Variants in GDE1 observed in about 807,000 individuals in gnomAD.
The protein encoded by GDE1 is glycerophosphodiester phosphodiesterase 1.
A neutral mutation model predicts 32.2 loss-of-function variants in GDE1; 24 were observed. The observed-to-expected ratio is 0.75, with a 90% CI of 0.54 to 1.05. The LOEUF is 1.05. Ranked by LOEUF, GDE1 falls within the 50% of genes least tolerant of loss-of-function variation. The pLI, the probability that GDE1 is intolerant of heterozygous loss-of-function variation, is 0.00. For missense variants in GDE1, 380 were observed against 415.0 expected (o/e 0.92, Z 0.73); for synonymous variants, 159 against 158.6 (o/e 1.00, Z -0.02).
intron 1 of GDE1, among the ~76,000 whole-genome samples, chr16:19,519,967 G>GC (rs1257625244): frequency 2.6e-5 from 4 of 152,064 alleles, no homozygotes; most frequent in Non-Finnish European, 5.9e-5. Flanking sequence ...AGTTGAGATC[G>GC]CCCCACTGCA....
chr16:19,507,798 C>A lies in GDE1; in HGVS notation c.544-19G>T, dbSNP rs745757652. On this transcript the variant is annotated intron_variant, in intron 3 of 5. Transcript: ENST00000353258. Reference sequence around the variant, plus strand: ...CAGTAGCCTGTAAAATAAAGAGATTCATATATTTAAAATTGATTAAAATGT... The same window carrying A: ...CAGTAGCCTGTAAAATAAAGAGATTAATATATTTAAAATTGATTAAAATGT... 4.4e-6 allele frequency: 5 copies of A among 1,147,980 alleles called. No individual in the cohort carries two copies. Among genetic ancestry groups the A allele is most frequent in the Admixed American group, 3.7e-5 (2 of 54,008 alleles). The allele number at this position is 1,147,980 out of a possible 1,614,324, so 71.1% of individuals were successfully genotyped here. A position where few individuals can be genotyped will look rare whatever the true frequency, so the allele number is the denominator to read the frequency against.
chr16:19,517,515 C>T (rs1405016455), intron 1 of GDE1, among the ~76,000 whole-genome samples: 2 of 152,208 alleles, frequency 1.3e-5, no homozygotes, highest in African/African-American at 2.4e-5. Flanking sequence ...AATACTTAGA[C>T]AATTCCACTG....
At chr16:19,519,178 T>C (rs192422984) in intron 1 of GDE1, among the ~76,000 whole-genome samples, 2 of 152,150 alleles carry the variant, frequency 1.3e-5, no homozygotes, top group Non-Finnish European at 2.9e-5. Context: ...TTAATTCCTC[T>C]TAGGTTTTTA....
chr16:19,521,860 G>A lies in GDE1; in HGVS notation c.105C>T (p.Thr35=), dbSNP rs1372373510. 1.2e-6 allele frequency: 2 copies of A among 1,607,540 alleles called. No homozygotes were observed. Among genetic ancestry groups the A allele is most frequent in the Non-Finnish European group, 1.7e-6 (2 of 1,177,830 alleles). Residue 35 remains threonine, a synonymous_variant, in exon 1 of 6, where the codon ACC becomes ACT. Coordinates refer to ENST00000353258, the MANE Select transcript of GDE1 (RefSeq NM_016641.4). ...CGCGCAGTAGAACGAAGAGGCTGCC[G>A]GTGAGGAGGCAGGCATTGACCGGGC... ...TRSPVNACLL[T]GSLFVLLRVF...
chr16:19,517,014 C>A lies in GDE1; in HGVS notation c.437G>T (p.Arg146Met), dbSNP rs753865044. Residue 146 changes from arginine to methionine, a missense_variant and splice_region_variant, in exon 2 of 6, where the codon AGG becomes ATG. Coordinates refer to ENST00000353258, the MANE Select transcript of GDE1 (RefSeq NM_016641.4). ...GTTTAAGTGACAATAAACTACTTAC[C>A]TGAGTCTGTGGTTTGCTGCAGGATT... ...KLNPAANHRL[R>M]NDFPDEKIPT... 6.2e-7 allele frequency: 1 copy of A among 1,613,404 alleles called. No individual in the cohort carries two copies. Among genetic ancestry groups the A allele is most frequent in the East Asian group, 2.2e-5 (1 of 44,868 alleles).
chr16:19,507,499 T>A (rs187465737), intron 4 of GDE1, among the ~76,000 whole-genome samples, 188 bp downstream of exon 4: 13 of 152,296 alleles, frequency 8.5e-5, no homozygotes, highest in African/African-American at 3.1e-4. Context: ...AGAGGAATAA[T>A]GGCATTCTGT....
chr16:19,515,112 A>G (rs1053624786), intron 2 of GDE1, among the ~76,000 whole-genome samples: 15 of 151,752 alleles, frequency 9.9e-5, no homozygotes, highest in African/African-American at 3.4e-4. Flanking sequence ...CATTACAGGC[A>G]ATTATCCCAG....
intron 2 of GDE1, among the ~76,000 whole-genome samples, chr16:19,514,799 G>C (rs1002479173): frequency 6.6e-6 from 1 of 152,136 alleles, no homozygotes; most frequent in Admixed American, 6.5e-5. Flanking sequence ...GGTACAGTGG[G>C]CTCATGCCTG....
Position 19,522,034 on chromosome 16 carries a change from C to G in GDE1, c.-70G>C. The G allele has an allele frequency of 6.8e-7, 1 of 1,461,764 alleles. No individual in the cohort carries two copies. Among genetic ancestry groups the G allele is most frequent in the East Asian group, 2.5e-5 (1 of 40,090 alleles). 90.5% of individuals were successfully genotyped at this position (1,461,764 alleles called of 1,614,324 possible). A position where few individuals can be genotyped will look rare whatever the true frequency, so the allele number is the denominator to read the frequency against. ...GCTCCTGGGGCAGTAGAACGAGAAG[C>G]GAGGGGGAGGGTCCAAGGCACCGGC... On this transcript the variant is annotated 5_prime_UTR_variant, in exon 1 of 6. Transcript: ENST00000353258.
chr16:19,510,763 T>C (rs1352052201), intron 3 of GDE1, 76 bp downstream of exon 3: 10 of 646,588 alleles, frequency 1.5e-5, no homozygotes, highest in Non-Finnish European at 2.7e-5. Flanking sequence ...TAACAAAATA[T>C]ATGTAACTTC....
intron 2 of GDE1, among the ~76,000 whole-genome samples, chr16:19,515,661 C>T (rs1428470152): frequency 6.6e-6 from 1 of 152,160 alleles, no homozygotes; most frequent in Non-Finnish European, 1.5e-5. Context: ...AACTTGGACT[C>T]ATAATTCTCA....
chr16:19,521,419 A>G (rs1969451565), intron 1 of GDE1: 3 of 456,874 alleles, frequency 6.6e-6, no homozygotes, highest in South Asian at 8.3e-5. Context: ...CCCCATTCCG[A>G]TGTACACTCT....
rs772292696 is a variant in GDE1, at chr16:19,503,281, C to G, written c.*189G>C. 3.4e-6 allele frequency: 2 copies of G among 585,232 alleles called. No homozygotes were observed. Among genetic ancestry groups the G allele is most frequent in the Non-Finnish European group, 6.0e-6 (2 of 331,876 alleles). 36.3% of individuals were successfully genotyped at this position (585,232 alleles called of 1,614,324 possible). ...TTTTCAAGAGCAACAGTGTTGAACT[C>G]TGGCATGCCATGGTGCATGGTGGCA... On this transcript the variant is annotated 3_prime_UTR_variant, in exon 6 of 6. Coordinates refer to ENST00000353258, the MANE Select transcript of GDE1 (RefSeq NM_016641.4).
intron 2 of GDE1, among the ~76,000 whole-genome samples, chr16:19,516,565 A>G (rs1763500492): frequency 6.6e-6 from 1 of 152,220 alleles, no homozygotes; most frequent in South Asian, 2.1e-4. Flanking sequence ...GCAAAGTGCT[A>G]TTCTAGATGA....
At chr16:19,515,150 G>C (rs1336440498) in intron 2 of GDE1, among the ~76,000 whole-genome samples, 1 of 151,594 alleles carries the variant, frequency 6.6e-6, no homozygotes, top group Admixed American at 6.6e-5. Flanking sequence ...TATTCCCTGA[G>C]AGTGAAAGAT....
chr16:19,517,308 C>A, intron 1 of GDE1, 119 bp from the exon 2 acceptor site: 1 of 723,036 alleles, frequency 1.4e-6, no homozygotes, highest in Non-Finnish European at 2.4e-6. Context: ...CATTTTCCTT[C>A]CACTTCCCCC....
At position 19,505,076 on chromosome 16, in the gene GDE1, C is replaced by T. The variant is rs2072086; in HGVS notation, c.653G>A (p.Arg218Gln). 1,518 of 1,609,858 alleles carry T rather than the reference C, an allele frequency of 9.4e-4. 35 individuals are homozygous for T. In the East Asian group the frequency reaches 0.033, roughly 35 times the overall value. Residue 218 changes from arginine to glutamine, a missense_variant, in exon 5 of 6, where the codon CGG becomes CAG. Transcript: ENST00000353258. Reference protein sequence around the residue: ...EVIYKMRQTDRDVITALTHRP... With the variant: ...EVIYKMRQTDQDVITALTHRP... ...GTGAGTTAATGCTGTTATTACATCC[C>T]GATCTGTTTGTCTCATCTGCAAAGG...
chr16:19,503,391 G>T lies in GDE1; in HGVS notation c.*79C>A, dbSNP rs953958930. ...AGTCACCTGATTCCCCAGGGCCTGG[G>T]CTAGCACAAAGGGTATTTTGATATC... On this transcript the variant is annotated 3_prime_UTR_variant, in exon 6 of 6. Coordinates refer to ENST00000353258, the MANE Select transcript of GDE1 (RefSeq NM_016641.4). The T allele has an allele frequency of 7.8e-7, 1 of 1,280,360 alleles. No individual in the cohort carries two copies. Among genetic ancestry groups the T allele is most frequent in the Non-Finnish European group, 1.1e-6 (1 of 902,948 alleles). The allele number at this position is 1,280,360 out of a possible 1,614,324, so 79.3% of individuals were successfully genotyped here.
chr16:19,521,013 A>C (rs1969446655), intron 1 of GDE1, among the ~76,000 whole-genome samples: 1 of 152,172 alleles, frequency 6.6e-6, no homozygotes, highest in Non-Finnish European at 1.5e-5. Flanking sequence ...AAATGACTCA[A>C]GTGATTTACA....
Sources: allele counts gnomAD v4.1 joint callset (sites outside exome capture counted in the v4.1 genomes callset), GRCh38; gene constraint gnomAD v4.1.1; transcripts MANE v1.5; gene names NCBI Gene and HGNC (gene_info 2026-07-23, HGNC 2026-07-21).